Variants in LUZP2 observed in about 807,000 individuals in gnomAD.
LUZP2 encodes leucine zipper protein 2.
In LUZP2, 52 loss-of-function variants were observed where a neutral mutation model predicts 51.6. The ratio of observed to expected loss-of-function variants is 1.01; its 90% CI spans 0.81 to 1.27. The LOEUF is 1.27. LUZP2 is among the 50% of genes most tolerant of loss of function. The pLI is 0.00. For synonymous variants in LUZP2, 154 were observed against 137.3 expected (o/e 1.12, Z -0.85); for missense variants, 436 against 395.4 (o/e 1.10, Z -0.87).
intron 9 of LUZP2, among the ~76,000 whole-genome samples, chr11:25,005,618 G>T (rs571901564): frequency 5.9e-5 from 9 of 152,152 alleles, no homozygotes; most frequent in African/African-American, 2.2e-4. Flanking sequence ...CATGGTTTTG[G>T]TTTGTTTGTT....
intron 5 of LUZP2, among the ~76,000 whole-genome samples, chr11:24,824,402 A>G (rs375610925): frequency 4.1e-5 from 6 of 147,026 alleles, no homozygotes; most frequent in African/African-American, 1.5e-4. Context: ...AATGAGTGGT[A>G]CCATTTACTG....
At chr11:24,683,552 C>T (rs1175135081) in intron 1 of LUZP2, among the ~76,000 whole-genome samples, 1 of 152,122 alleles carries the variant, frequency 6.6e-6, no homozygotes, top group Non-Finnish European at 1.5e-5. Context: ...TTTTTCTTCT[C>T]TTTTTACATC....
At chr11:25,073,959 C>G (rs753309831) in intron 10 of LUZP2, among the ~76,000 whole-genome samples, 2 of 152,026 alleles carry the variant, frequency 1.3e-5, no homozygotes, top group African/African-American at 2.4e-5. Flanking sequence ...CCAAAGAACC[C>G]GAAGCCCAGC....
chr11:24,681,206 C>A (rs186047107), intron 1 of LUZP2, among the ~76,000 whole-genome samples: 3,239 of 152,154 alleles, frequency 0.021, 50 homozygotes, highest in Admixed American at 0.035. Context: ...TGGTCTCGAT[C>A]TCCTGACCTC....
rs542111627 is a variant in LUZP2, at chr11:24,545,148, A to G, written c.62+47843A>G. 4.8e-4 allele frequency among the ~76,000 whole-genome samples: 71 copies of G among 147,890 alleles called. 4 individuals carry two copies. In the South Asian group the frequency reaches 0.015, roughly 31 times the overall value. ...TAATTTTTTTTTTCTTGCTGATTTC[A>G]GTTCTTAATAGAAGTTGGATACTAG... On this transcript the variant is annotated intron_variant, in intron 1 of 11. Transcript: ENST00000336930.
rs556692789 is a variant in LUZP2, at chr11:24,798,263, G to A, written c.396+34955G>A. On this transcript the variant is annotated intron_variant, in intron 5 of 11. Coordinates refer to ENST00000336930, the MANE Select transcript of LUZP2 (RefSeq NM_001009909.4). ...GATGGGATCTCACTCTTTTGCCCGG[G>A]TTGGAGTTCAGTGGCAAGATCATAG... 4.6e-5 allele frequency among the ~76,000 whole-genome samples: 7 copies of A among 151,556 alleles called. No individual in the cohort carries two copies. In the East Asian group the frequency reaches 1.4e-3, roughly 30 times the overall value.
At chr11:24,872,117 G>T (rs1852095513) in intron 5 of LUZP2, among the ~76,000 whole-genome samples, 2 of 152,006 alleles carry the variant, frequency 1.3e-5, no homozygotes, top group Non-Finnish European at 2.9e-5. Flanking sequence ...TGATTTCCTT[G>T]TATGTGTCAG....
chr11:24,993,789 G>A (rs1044042543), intron 9 of LUZP2, among the ~76,000 whole-genome samples: 9 of 151,344 alleles, frequency 5.9e-5, no homozygotes, highest in African/African-American at 1.9e-4. Context: ...CTTTATTGAA[G>A]ATTTCATTTG....
intron 1 of LUZP2, among the ~76,000 whole-genome samples, chr11:24,713,549 A>T (rs1180817591): frequency 6.6e-6 from 1 of 152,006 alleles, no homozygotes; most frequent in Admixed American, 6.6e-5. Flanking sequence ...AGAAAATAAA[A>T]GTTAATACAG....
At chr11:24,534,440 CTCTA>C (rs765425348) in intron 1 of LUZP2, among the ~76,000 whole-genome samples, 4 of 141,072 alleles carry the variant, frequency 2.8e-5, no homozygotes, top group African/African-American at 8.6e-5. Flanking sequence ...ACATACATTT[CTCTA>C]TCTAGAAAGA....
rs1850783085 is a variant in LUZP2 at position 24,525,831 on chromosome 11, A to AAT, written c.62+28534_62+28535dup. Among the ~76,000 whole-genome samples the AAT allele has an allele frequency of 1.1e-4, 17 of 151,452 alleles. No homozygotes were observed. The South Asian group carries it at 3.3e-3, about 30-fold the overall frequency. On this transcript the variant is annotated intron_variant, in intron 1 of 11. Transcript: ENST00000336930. ...CTTTTTCTGTGACATACATTAGTTG[A>AAT]ATATATATAAAGTAAAAACTTGGAT...
chr11:24,511,307 C>T (rs1484474082), intron 1 of LUZP2, among the ~76,000 whole-genome samples: 1 of 152,006 alleles, frequency 6.6e-6, no homozygotes, highest in Admixed American at 6.6e-5. Flanking sequence ...CTTCAAAGTC[C>T]TTTCTGATGT....
chr11:24,961,801 T>G (rs1855417387), intron 7 of LUZP2, among the ~76,000 whole-genome samples: 1 of 150,116 alleles, frequency 6.7e-6, no homozygotes, highest in African/African-American at 2.4e-5. Flanking sequence ...TGATGTTAGC[T>G]GGTTATTTTG....
At chr11:24,530,030 T>A (rs1340447984) in intron 1 of LUZP2, among the ~76,000 whole-genome samples, 1 of 150,982 alleles carries the variant, frequency 6.6e-6, no homozygotes, top group Admixed American at 6.6e-5. Context: ...TTGTGGAAGC[T>A]TTAGTGGAAA....
At chr11:24,796,957 G>T (rs776959238) in intron 5 of LUZP2, among the ~76,000 whole-genome samples, 15 of 152,070 alleles carry the variant, frequency 9.9e-5, no homozygotes, top group Non-Finnish European at 1.5e-4. Flanking sequence ...AGACAACAAA[G>T]CATGGTGGAC....
chr11:24,791,475 A>G (rs1849407653), intron 5 of LUZP2, among the ~76,000 whole-genome samples: 1 of 152,176 alleles, frequency 6.6e-6, no homozygotes, highest in Non-Finnish European at 1.5e-5. Flanking sequence ...ACTAGCTGAT[A>G]AACATATGTT....
chr11:24,860,783 C>A (rs1851717705), intron 5 of LUZP2, among the ~76,000 whole-genome samples: 1 of 152,118 alleles, frequency 6.6e-6, no homozygotes, highest in Admixed American at 6.5e-5. Context: ...AAAGGCCCCC[C>A]CAAAAACCCT....
At chr11:24,568,253 G>A (rs952878825) in intron 1 of LUZP2, among the ~76,000 whole-genome samples, 31 of 151,176 alleles carry the variant, frequency 2.1e-4, no homozygotes, top group African/African-American at 6.6e-4. Flanking sequence ...CCAGCTACTC[G>A]AGAGGCTGAG....
At chr11:24,769,471 A>G (rs1427549844) in intron 5 of LUZP2, among the ~76,000 whole-genome samples, 5 of 152,210 alleles carry the variant, frequency 3.3e-5, no homozygotes, top group African/African-American at 1.2e-4. Context: ...CACAATCTAT[A>G]TGTGTATTGA....
Sources: allele counts gnomAD v4.1 joint callset (sites outside exome capture counted in the v4.1 genomes callset), GRCh38; gene constraint gnomAD v4.1.1; transcripts MANE v1.5; gene names NCBI Gene and HGNC (gene_info 2026-07-23, HGNC 2026-07-21).